The following MARCHF3 variants were observed in gnomAD, a reference collection of about 807,000 sequenced individuals.
MARCHF3 encodes the protein membrane associated ring-CH-type finger 3.
A neutral mutation model predicts 24.2 loss-of-function variants in MARCHF3; 13 were observed. That is an observed-to-expected ratio of 0.54 (90% CI 0.35 to 0.85). The LOEUF (loss-of-function observed/expected upper bound fraction) is 0.85, where lower values mean the gene tolerates loss of function less well. Among genes scored for constraint, MARCHF3 ranks in the 40% least tolerant of loss-of-function variants. The pLI is 0.01. For missense variants in MARCHF3, 276 were observed against 325.0 expected, an observed-to-expected ratio of 0.85 and a Z score of 1.16; for synonymous variants, 144 against 137.3, an observed-to-expected ratio of 1.05 and a Z score of -0.34.
intron 2 of MARCHF3, among the ~76,000 whole-genome samples, chr5:126,916,686 CAGACAG>C (rs1243833892): frequency 3.9e-4 from 50 of 129,430 alleles, no homozygotes; most frequent in African/African-American, 1.5e-3. Context: ...GACAGACAGA[CAGACAG>C]ACACACACAC....
chr5:127,027,784 C>T (rs1355293262), intron 1 of MARCHF3, among the ~76,000 whole-genome samples: 1 of 152,220 alleles, frequency 6.6e-6, no homozygotes, highest in African/African-American at 2.4e-5. Flanking sequence ...TTTGTTAAAT[C>T]AACTCACAGA....
intron 1 of MARCHF3, among the ~76,000 whole-genome samples, chr5:126,970,973 C>T (rs1750990731): frequency 6.6e-6 from 1 of 152,110 alleles, no homozygotes; most frequent in South Asian, 2.1e-4. Context: ...GAGGACTCTG[C>T]TTGTTTGGCT....
At chr5:126,950,905 A>C (rs1186697203) in intron 1 of MARCHF3, among the ~76,000 whole-genome samples, 3 of 152,200 alleles carry the variant, frequency 2.0e-5, no homozygotes, top group Non-Finnish European at 4.4e-5. Flanking sequence ...GCACAAATAT[A>C]AAGTGTAAAA....
chr5:126,998,265 C>T (rs2126848400), intron 1 of MARCHF3, among the ~76,000 whole-genome samples: 1 of 152,344 alleles, frequency 6.6e-6, no homozygotes, highest in Non-Finnish European at 1.5e-5. Context: ...AGGAATCAGC[C>T]AGGACCATCT....
chr5:126,945,540 C>T (rs889314959), intron 1 of MARCHF3, among the ~76,000 whole-genome samples: 2 of 152,174 alleles, frequency 1.3e-5, no homozygotes, highest in African/African-American at 2.4e-5. Context: ...TGCAAACTCC[C>T]CAGTGTTACA....
intron 2 of MARCHF3, among the ~76,000 whole-genome samples, chr5:126,917,691 A>G (rs929680171): frequency 6.6e-6 from 1 of 152,238 alleles, no homozygotes; most frequent in Admixed American, 6.5e-5. Flanking sequence ...AGACAACAAG[A>G]GAGCATAACA....
intron 4 of MARCHF3, 57 bp downstream of exon 4, chr5:126,878,128 C>T: frequency 6.4e-7 from 1 of 1,555,162 alleles, no homozygotes; most frequent in Non-Finnish European, 8.9e-7. Flanking sequence ...AGGCTTGTGC[C>T]AGCTGTGAGG....
At chr5:126,907,959 C>T (rs1429020267) in intron 3 of MARCHF3, among the ~76,000 whole-genome samples, 15 of 151,970 alleles carry the variant, frequency 9.9e-5, no homozygotes, top group Admixed American at 2.6e-4. Context: ...CGGCTGGTAC[C>T]GGTTGTTCCT....
At chr5:126,930,654 C>T (rs907987535) in intron 1 of MARCHF3, among the ~76,000 whole-genome samples, 2 of 152,244 alleles carry the variant, frequency 1.3e-5, no homozygotes. Flanking sequence ...GACACATTAA[C>T]ACTCGGGGCA....
At chr5:126,996,592 T>C (rs1751955991) in intron 1 of MARCHF3, among the ~76,000 whole-genome samples, 1 of 150,052 alleles carries the variant, frequency 6.7e-6, no homozygotes, top group Non-Finnish European at 1.5e-5. Context: ...TTAAGAGGGG[T>C]TGCAGCTCTT....
rs1366391990 is a variant in MARCHF3, at chr5:126,869,734, T to C, written c.*899A>G. On this transcript the variant is annotated 3_prime_UTR_variant, in exon 5 of 5. Transcript: ENST00000308660. ...TCATTACGAATCCCGAATTAAGACA[T>C]GCACTAAATGAGATGGGAGTGAGAA... 6.6e-6 allele frequency: 1 copy of C among 152,516 alleles called. No individual in the cohort carries two copies. Among genetic ancestry groups the C allele is most frequent in the African/African-American group, 2.4e-5 (1 of 41,418 alleles). The allele number at this position is 152,516 out of a possible 1,614,324, so 9.4% of individuals were successfully genotyped here.
At chr5:126,894,916 G>C (rs1753821320) in intron 3 of MARCHF3, among the ~76,000 whole-genome samples, 1 of 151,870 alleles carries the variant, frequency 6.6e-6, no homozygotes, top group South Asian at 2.1e-4. Flanking sequence ...TTCCAACTTG[G>C]TTCCATTCTC....
chr5:126,903,985 C>T (rs1227049162), intron 3 of MARCHF3, among the ~76,000 whole-genome samples: 1 of 128,590 alleles, frequency 7.8e-6, no homozygotes, highest in Non-Finnish European at 1.6e-5. Flanking sequence ...CACAACAGTC[C>T]CCAGACTGTG....
chr5:126,968,760 A>G (rs1001348147), intron 1 of MARCHF3, among the ~76,000 whole-genome samples: 13 of 152,032 alleles, frequency 8.6e-5, no homozygotes, highest in Admixed American at 5.9e-4. Context: ...TTTTAAGTAG[A>G]TACAGGGTTT....
chr5:127,004,311 A>T (rs745733258), intron 1 of MARCHF3, among the ~76,000 whole-genome samples: 1 of 152,134 alleles, frequency 6.6e-6, no homozygotes, highest in Non-Finnish European at 1.5e-5. Flanking sequence ...CAGATCAATA[A>T]TGCTTGCCCA....
chr5:126,967,289 G>T (rs1010826482), intron 1 of MARCHF3, among the ~76,000 whole-genome samples: 1 of 151,972 alleles, frequency 6.6e-6, no homozygotes, highest in Non-Finnish European at 1.5e-5. Context: ...ATCTAATTTG[G>T]CATACACGAT....
chr5:127,023,031 A>G (rs1336552182), intron 1 of MARCHF3, among the ~76,000 whole-genome samples: 3 of 152,178 alleles, frequency 2.0e-5, no homozygotes, highest in African/African-American at 7.2e-5. Context: ...ACATGGACGC[A>G]TGGTCTGTAC....
intron 3 of MARCHF3, among the ~76,000 whole-genome samples, chr5:126,888,966 T>C (rs1753586704): frequency 1.3e-5 from 2 of 152,340 alleles, no homozygotes; most frequent in East Asian, 3.9e-4. Context: ...GGTTTTGCCA[T>C]GTTGGCCAGG....
At chr5:126,896,198 C>A (rs1018628333) in intron 3 of MARCHF3, among the ~76,000 whole-genome samples, 3 of 152,176 alleles carry the variant, frequency 2.0e-5, no homozygotes, top group African/African-American at 7.2e-5. Flanking sequence ...CACTGACCTG[C>A]GCCCACTGTC....
Sources: gnomAD v4.1 joint callset for allele counts (sites outside exome capture counted in the v4.1 genomes callset) on GRCh38, gnomAD v4.1.1 for gene constraint, MANE v1.5 for transcripts, NCBI Gene and HGNC (gene_info 2026-07-23, HGNC 2026-07-21) for gene names.